Variants in TJP2 observed in about 807,000 individuals in gnomAD.
TJP2 encodes Friedreich ataxia region gene X104 (tight junction protein ZO-2).
In TJP2, 91 loss-of-function variants were observed where a neutral mutation model predicts 133.1. The ratio of observed to expected loss-of-function variants is 0.68; its 90% CI spans 0.58 to 0.81. The LOEUF is 0.81. Among genes scored for constraint, TJP2 ranks in the 40% least tolerant of loss-of-function variants. The pLI is 0.00. For synonymous variants in TJP2, 592 were observed against 583.4 expected (o/e 1.01, Z -0.21); for missense variants, 1,541 against 1,565.6 (o/e 0.98, Z 0.26).
At chr9:69,163,502 G>T (rs1363454252) in intron 2 of TJP2, among the ~76,000 whole-genome samples, 1 of 152,044 alleles carries the variant, frequency 6.6e-6, no homozygotes, top group Non-Finnish European at 1.5e-5. Context: ...TGGGCATGGT[G>T]GTGCACGCCT....
At chr9:69,222,297 C>G (rs751698501) in intron 5 of TJP2, among the ~76,000 whole-genome samples, 2 of 151,834 alleles carry the variant, frequency 1.3e-5, no homozygotes, top group Non-Finnish European at 2.9e-5. Context: ...CTGCCTCAGT[C>G]TCCGAAGTAG....
rs41277907 is a variant in TJP2 at position 69,251,072 on chromosome 9, C to G, written c.3029C>G (p.Ser1010Cys). The change falls in exon 21 of 23, where the codon TCC becomes TGC. Residue 1010 changes from serine (S) to cysteine (C), a missense_variant. By Grantham distance (112) the Ser-to-Cys change is moderately radical. Transcript: ENST00000377245. Reference sequence around the variant, plus strand: ...AACAAAGAAGAATCCTATGACTTCTCCAAATCCTATGAATATAAGTCAAAC... The same window carrying G: ...AACAAAGAAGAATCCTATGACTTCTGCAAATCCTATGAATATAAGTCAAAC... The part of the protein sequence containing the change: ...TQNKEESYDF[S>C]KSYEYKSNPS... 1.2e-6 allele frequency: 2 copies of G among 1,614,048 alleles called. No individual in the cohort carries two copies. Among genetic ancestry groups the G allele is most frequent in the Non-Finnish European group, 1.7e-6 (2 of 1,180,040 alleles).
At chr9:69,151,701 C>T in exon 2 of TJP2, 1 of 1,232,030 alleles carries the variant, frequency 8.1e-7, no homozygotes, top group Non-Finnish European at 1.0e-6. Context: ...GATTGGCACC[C>T]CGGCTGCAGC....
rs1046763078 is a variant in TJP2, at chr9:69,174,301, GAGGAGT to G, written c.-66_-61del. 12 of 1,549,958 alleles carry G rather than the reference GAGGAGT, an allele frequency of 7.7e-6. No homozygotes were observed. Among genetic ancestry groups the G allele is most frequent in the East Asian group, 2.4e-5 (1 of 40,894 alleles). ...CAGAGCACTGTCCGGTGGTGCCCAG[GAGGAGT>G]AGGAGCAGGAGCAGAAGCAGAAGCG... On this transcript the variant is annotated 5_prime_UTR_variant, in exon 1 of 23. Coordinates refer to ENST00000377245, the MANE Select transcript of TJP2 (RefSeq NM_004817.4).
At chr9:69,209,544 G>A (rs1827701674) in intron 1 of TJP2, among the ~76,000 whole-genome samples, 1 of 151,828 alleles carries the variant, frequency 6.6e-6, no homozygotes, top group Admixed American at 6.6e-5. Context: ...ATCTAAGGTT[G>A]GGAGTTTGAG....
intron 16 of TJP2, among the ~76,000 whole-genome samples, chr9:69,239,124 GT>G (rs1167723889): frequency 6.6e-6 from 1 of 152,224 alleles, no homozygotes; most frequent in African/African-American, 2.4e-5. Flanking sequence ...AGGAGGCGGA[GT>G]TTGCAGTGAG....
At chr9:69,170,339 C>G (rs889243223), upstream of TJP2, among the ~76,000 whole-genome samples, 1 of 152,106 alleles carries the variant, frequency 6.6e-6, no homozygotes, top group Non-Finnish European at 1.5e-5. Flanking sequence ...CATCATCATA[C>G]ATTAGATGTA....
intron 1 of TJP2, among the ~76,000 whole-genome samples, chr9:69,180,143 C>G (rs1825390049): frequency 6.6e-6 from 1 of 152,128 alleles, no homozygotes; most frequent in Non-Finnish European, 1.5e-5. Flanking sequence ...GAGTTAGTGA[C>G]AAGTCAGGCA....
At chr9:69,205,394 T>C in intron 1 of TJP2, 1 of 1,415,402 alleles carries the variant, frequency 7.1e-7, no homozygotes, top group Non-Finnish European at 9.3e-7. Context: ...TTGTAGTCAC[T>C]GGTGGGTTTT....
intron 1 of TJP2, among the ~76,000 whole-genome samples, chr9:69,128,523 C>CTTTTTT (rs1564365342): frequency 4.0e-5 from 4 of 101,232 alleles, no homozygotes; most frequent in African/African-American, 3.8e-5. Flanking sequence ...CTTATTAGAC[C>CTTTTTT]ATTTTTTTTT....
At chr9:69,190,471 G>A (rs919877243) in intron 1 of TJP2, among the ~76,000 whole-genome samples, 1 of 152,158 alleles carries the variant, frequency 6.6e-6, no homozygotes, top group Non-Finnish European at 1.5e-5. Context: ...TTGACTTTGA[G>A]CTGACCTAAC....
At chr9:69,123,161 T>G (rs1432984308) in intron 1 of TJP2, among the ~76,000 whole-genome samples, 4 of 152,236 alleles carry the variant, frequency 2.6e-5, no homozygotes. Context: ...GTGCTTTACA[T>G]TTCCATCCGG....
intron 6 of TJP2, 60 bp from the exon 7 acceptor site, chr9:69,225,962 T>C (rs1036248079): frequency 5.1e-6 from 8 of 1,578,980 alleles, no homozygotes; most frequent in Non-Finnish European, 6.1e-6. Context: ...GGGGAAAATA[T>C]GAATTTTCTA....
At chr9:69,225,807 A>G (rs1829302263) in intron 6 of TJP2, among the ~76,000 whole-genome samples, 1 of 152,236 alleles carries the variant, frequency 6.6e-6, no homozygotes, top group Non-Finnish European at 1.5e-5. Flanking sequence ...TGGAAGTTAA[A>G]TAAATTAGCA....
intron 22 of TJP2, 183 bp from the exon 23 acceptor site, chr9:69,254,026 T>G: frequency 4.3e-6 from 3 of 702,628 alleles, no homozygotes; most frequent in Non-Finnish European, 5.0e-6. Context: ...AAGTGGGCAT[T>G]GGATTTGACC....
intron 1 of TJP2, among the ~76,000 whole-genome samples, chr9:69,138,368 A>G (rs1406320845): frequency 2.0e-5 from 3 of 151,854 alleles, no homozygotes; most frequent in Admixed American, 6.6e-5. Flanking sequence ...GCTATAAAGT[A>G]TATAATGGGC....
At chr9:69,238,358 A>G (rs1830343799) in intron 15 of TJP2, among the ~76,000 whole-genome samples, 1 of 152,150 alleles carries the variant, frequency 6.6e-6, no homozygotes, top group Non-Finnish European at 1.5e-5. Flanking sequence ...TGTGCTTCAT[A>G]GCTTTTTTTT....
chr9:69,216,500 C>G (rs1346865077), intron 3 of TJP2, 37 bp downstream of exon 3: 1 of 1,612,478 alleles, frequency 6.2e-7, no homozygotes, highest in African/African-American at 1.3e-5. Flanking sequence ...CCCTACCAGC[C>G]CTACTGGTTG....
At chr9:69,193,676 C>CT (rs11312165) in intron 1 of TJP2, among the ~76,000 whole-genome samples, 2,473 of 138,732 alleles carry the variant, frequency 0.018, 73 homozygotes, top group African/African-American at 0.064. Flanking sequence ...AACACCTGAA[C>CT]TTTTTTTTTT....
Sources: allele counts gnomAD v4.1 joint callset (sites outside exome capture counted in the v4.1 genomes callset), GRCh38; gene constraint gnomAD v4.1.1; transcripts MANE v1.5; gene names NCBI Gene and HGNC (gene_info 2026-07-23, HGNC 2026-07-21).